The following EPS8 variants were observed in gnomAD, a reference collection of about 807,000 sequenced individuals.
The protein encoded by EPS8 is EGFR pathway substrate 8, signaling adaptor, also known as epidermal growth factor receptor kinase substrate 8.
Under a neutral mutation model 103.8 loss-of-function variants are expected in EPS8, and 42 were observed. The observed-to-expected ratio is 0.40, with a 90% CI of 0.32 to 0.52. The LOEUF (loss-of-function observed/expected upper bound fraction) is 0.52, where lower values mean the gene tolerates loss of function less well. Among genes scored for constraint, EPS8 ranks in the 20% least tolerant of loss-of-function variants. The probability of loss-of-function intolerance (pLI) is 0.40; values close to 1 mark genes in which losing one functional copy is unlikely to be tolerated. For synonymous variants in EPS8, 344 were observed against 344.6 expected (o/e 1.00, Z 0.02); for missense variants, 969 against 1,005.1 (o/e 0.96, Z 0.49).
intron 1 of EPS8, among the ~76,000 whole-genome samples, chr12:15,707,970 T>C (rs1946410885): frequency 6.6e-6 from 1 of 152,184 alleles, no homozygotes; most frequent in African/African-American, 2.4e-5. Flanking sequence ...AAATTCTGAT[T>C]TAGGTATGAG....
intron 18 of EPS8, among the ~76,000 whole-genome samples, 185 bp from the exon 19 acceptor site, chr12:15,624,592 G>T (rs1303445877): frequency 6.6e-6 from 1 of 151,922 alleles, no homozygotes; most frequent in Non-Finnish European, 1.5e-5. Context: ...TAACTCCCTG[G>T]CTCTTCTCTA....
rs1296044453 is a variant in EPS8, at chr12:15,782,317, A to T, written c.-22+6844T>A. On this transcript the variant is annotated intron_variant, in intron 1 of 20. Coordinates refer to ENST00000281172, the MANE Select transcript of EPS8 (RefSeq NM_004447.6). Reference sequence around the variant, plus strand: ...AAACCATCCTGGACAACACAGAGAGATCCTGTCTCTGCAAAAAATAAAAAT... The same window carrying T: ...AAACCATCCTGGACAACACAGAGAGTTCCTGTCTCTGCAAAAAATAAAAAT... Among the ~76,000 whole-genome samples the T allele has an allele frequency of 3.9e-5, 6 of 152,036 alleles. No individual in the cohort carries two copies. The South Asian group carries it at 1.2e-3, about 32-fold the overall frequency.
In EPS8 at chr12:15,690,851, A is replaced by G. The variant is rs977429807; in HGVS notation, c.-21-7879T>C. On this transcript the variant is annotated intron_variant, in intron 1 of 20. Coordinates refer to ENST00000281172, the MANE Select transcript of EPS8 (RefSeq NM_004447.6). This position sits in a 1 kb window ranked among gnomAD's most constrained non-coding sequence, Gnocchi z 4.7. ...CAAAGATAAAAATGCACTCTTTTCAAAATAGTATTTTTCATTTATCTTCAA... is the reference window on the plus strand; with the variant it reads ...CAAAGATAAAAATGCACTCTTTTCAGAATAGTATTTTTCATTTATCTTCAA... 3.9e-5 allele frequency among the ~76,000 whole-genome samples: 6 copies of G among 152,154 alleles called. No individual in the cohort carries two copies. The highest frequency in any genetic ancestry group is 8.8e-5 in the Non-Finnish European group (6 of 68,028).
At chr12:15,636,344 T>C (rs1028592173) in intron 17 of EPS8, among the ~76,000 whole-genome samples, 4 of 152,372 alleles carry the variant, frequency 2.6e-5, no homozygotes, top group African/African-American at 7.2e-5. Context: ...TTTGTGTCAA[T>C]ATCTTTTGTA....
chr12:15,660,042 T>C (rs1476988784), intron 10 of EPS8, among the ~76,000 whole-genome samples: 1 of 152,202 alleles, frequency 6.6e-6, no homozygotes, highest in East Asian at 1.9e-4. Context: ...TAATGAAAAC[T>C]ACAGATAGAT....
Position 15,682,217 on chromosome 12 carries a change from G to A in EPS8, c.59+676C>T, listed in dbSNP as rs193195518. Among the ~76,000 whole-genome samples, 63 of 152,256 alleles carry A rather than the reference G, an allele frequency of 4.1e-4. No individual in the cohort carries two copies. In the East Asian group the frequency reaches 0.012, roughly 29 times the overall value. ...TTAATGTAACATTCCCAGAATAGACGAATGACTGGAGAAGCTGTGGCAGAT... is the reference window on the plus strand; with the variant it reads ...TTAATGTAACATTCCCAGAATAGACAAATGACTGGAGAAGCTGTGGCAGAT... On this transcript the variant is annotated intron_variant, in intron 2 of 20. Transcript: ENST00000281172.
chr12:15,737,717 T>A (rs879303706), intron 1 of EPS8, among the ~76,000 whole-genome samples: 9 of 152,162 alleles, frequency 5.9e-5, no homozygotes, highest in Non-Finnish European at 1.0e-4. Context: ...TATACCCAAA[T>A]ATTAAAAACT....
At position 15,767,034 on chromosome 12, in the gene EPS8, CAAT is replaced by C. The variant is rs1379064154; in HGVS notation, c.-22+22124_-22+22126del. On this transcript the variant is annotated intron_variant, in intron 1 of 20. Transcript: ENST00000281172. This position sits in a 1 kb window ranked among gnomAD's most constrained non-coding sequence, Gnocchi z 5.5. ...ATGTTTAAATATATATATATGATGA[CAAT>C]GATGATGGTGGTGGTGAGAATGATG... 3.3e-5 allele frequency among the ~76,000 whole-genome samples: 5 copies of C among 152,016 alleles called. No individual in the cohort carries two copies. The highest frequency in any genetic ancestry group is 4.1e-4 in the South Asian group (2 of 4,828).
chr12:15,746,257 C>G (rs554985014), intron 1 of EPS8, among the ~76,000 whole-genome samples: 121 of 152,292 alleles, frequency 7.9e-4, no homozygotes, highest in African/African-American at 2.7e-3. Flanking sequence ...TCCTCTTTAG[C>G]TGCTAAATAT....
rs532666484 is a variant in EPS8 at position 15,734,651 on chromosome 12, G to A, written c.-21-51679C>T. On this transcript the variant is annotated intron_variant, in intron 1 of 20. Coordinates refer to ENST00000281172, the MANE Select transcript of EPS8 (RefSeq NM_004447.6). The surrounding 1 kb of genome is among the most constrained non-coding windows in gnomAD (Gnocchi z 4.1). Reference sequence around the variant, plus strand: ...GGACCTTGCAGTGAGCCGAGATCGCGCCACTGTACTCCAGCCTGGGCGACA... The same window carrying A: ...GGACCTTGCAGTGAGCCGAGATCGCACCACTGTACTCCAGCCTGGGCGACA... 1.3e-5 allele frequency among the ~76,000 whole-genome samples: 2 copies of A among 151,952 alleles called. No individual in the cohort carries two copies. Among genetic ancestry groups the A allele is most frequent in the African/African-American group, 4.8e-5 (2 of 41,340 alleles).
intron 13 of EPS8, among the ~76,000 whole-genome samples, chr12:15,653,435 G>A (rs553097227): frequency 7.2e-5 from 11 of 151,954 alleles, no homozygotes; most frequent in South Asian, 6.3e-4. Context: ...AATACCATCC[G>A]CCTCCCGCCC....
chr12:15,768,194 C>A (rs1488996541), intron 1 of EPS8, among the ~76,000 whole-genome samples: 1 of 151,968 alleles, frequency 6.6e-6, no homozygotes, highest in East Asian at 1.9e-4. Flanking sequence ...AATCCCAGCA[C>A]TTTGGGAGGC....
chr12:15,750,641 C>T (rs1287252240), intron 1 of EPS8, among the ~76,000 whole-genome samples: 1 of 152,214 alleles, frequency 6.6e-6, no homozygotes, highest in Admixed American at 6.5e-5. Context: ...ACACCAACCA[C>T]AGGATGCCAA....
At chr12:15,667,087 G>T (rs1476708658) in intron 6 of EPS8, among the ~76,000 whole-genome samples, 1 of 152,142 alleles carries the variant, frequency 6.6e-6, no homozygotes, top group Non-Finnish European at 1.5e-5. Flanking sequence ...CATTCAGTTA[G>T]ATTTTTCTTG....
intron 6 of EPS8, 87 bp from the exon 7 acceptor site, chr12:15,666,609 T>C: frequency 5.5e-6 from 5 of 909,870 alleles, no homozygotes; most frequent in Non-Finnish European, 8.8e-6. Context: ...GATTGTTCCT[T>C]GTCTGAATCA....
chr12:15,773,249 G>A (rs941576002), intron 1 of EPS8, among the ~76,000 whole-genome samples: 3 of 152,052 alleles, frequency 2.0e-5, no homozygotes, highest in Non-Finnish European at 2.9e-5. Flanking sequence ...ATTTTAAACT[G>A]ACTCCATAAT....
chr12:15,786,658 A>G (rs935044434), intron 1 of EPS8, among the ~76,000 whole-genome samples: 1 of 152,130 alleles, frequency 6.6e-6, no homozygotes, highest in East Asian at 1.9e-4. Context: ...ACTTCTGAGA[A>G]ATAAGGTCTA....
rs1946934980 is a variant in EPS8 at position 15,751,791 on chromosome 12, C to G, written c.-22+37370G>C. 1.3e-5 allele frequency among the ~76,000 whole-genome samples: 2 copies of G among 152,190 alleles called. No homozygotes were observed. The highest frequency in any genetic ancestry group is 4.2e-4 in the South Asian group (2 of 4,818). The stretch of plus-strand genomic sequence containing the variant: ...TATCCTTCTTACCATACTCTACTTA[C>G]ACCATAGCTCAGACAACATGTTAGA... On this transcript the variant is annotated intron_variant, in intron 1 of 20. Transcript: ENST00000281172. The surrounding 1 kb of genome is among the most constrained non-coding windows in gnomAD (Gnocchi z 4.3).
At chr12:15,722,515 T>C (rs961809658) in intron 1 of EPS8, among the ~76,000 whole-genome samples, 5 of 152,220 alleles carry the variant, frequency 3.3e-5, no homozygotes, top group African/African-American at 1.2e-4. Context: ...TGTAAAAGGA[T>C]ATGCCCATCT....
Sources: allele counts gnomAD v4.1 joint callset (sites outside exome capture counted in the v4.1 genomes callset), GRCh38; gene constraint gnomAD v4.1.1; non-coding constraint Gnocchi (gnomAD v3.1); transcripts MANE v1.5; gene names NCBI Gene and HGNC (gene_info 2026-07-23, HGNC 2026-07-21).